BUD13: variants seen among roughly 807,000 people sequenced by gnomAD.
BUD13 encodes the protein BUD13 homolog.
BUD13 carries 47 observed loss-of-function variants against 62.5 expected under a neutral mutation model. The ratio of observed to expected loss-of-function variants is 0.75; its 90% confidence interval spans 0.60 to 0.96. BUD13 has a LOEUF of 0.96. BUD13 is among the 40% of genes least tolerant of loss of function. The pLI is 0.00. For missense variants in BUD13, 821 were observed against 790.9 expected (o/e 1.04, Z -0.46); for synonymous variants, 293 against 280.1 (o/e 1.05, Z -0.46).
At chr11:116,772,523 A>G (rs1430680571) in intron 1 of BUD13, among the ~76,000 whole-genome samples, 1 of 152,224 alleles carries the variant, frequency 6.6e-6, no homozygotes, top group African/African-American at 2.4e-5. Flanking sequence ...TTCTCGAGGC[A>G]CAATATTCAT....
chr11:116,758,013 T>G lies in BUD13; in HGVS notation c.1500-63A>C. The stretch of plus-strand genomic sequence containing the variant: ...ATGACATTTCCACTTCTACACGAGA[T>G]GGACCATACTGCTAAGTTTGGACAA... On this transcript the variant is annotated intron_variant, in intron 7 of 9. Transcript: ENST00000260210. 5 of 1,577,840 alleles carry G rather than the reference T, an allele frequency of 3.2e-6. No individual in the cohort carries two copies. The South Asian group carries it at 5.8e-5, about 18-fold the overall frequency.
intron 9 of BUD13, among the ~76,000 whole-genome samples, chr11:116,751,912 T>C (rs917839787): frequency 6.6e-6 from 1 of 152,164 alleles, no homozygotes; most frequent in African/African-American, 2.4e-5. Context: ...GGAAATTGCA[T>C]GACTCTAGGC....
intron 9 of BUD13, among the ~76,000 whole-genome samples, chr11:116,749,729 G>C (rs1435680138): frequency 6.6e-6 from 1 of 152,154 alleles, no homozygotes; most frequent in Non-Finnish European, 1.5e-5. Context: ...AGAAACGATG[G>C]GTTTAAAGCA....
intron 9 of BUD13, among the ~76,000 whole-genome samples, chr11:116,749,311 G>T (rs962760746): frequency 5.6e-4 from 86 of 152,232 alleles, no homozygotes; most frequent in African/African-American, 2.0e-3. Context: ...TAGTGGAAGA[G>T]AGAGACATTT....
At chr11:116,762,071 A>G (rs7941518) in intron 4 of BUD13, among the ~76,000 whole-genome samples, 27,579 of 152,242 alleles carry the variant, frequency 0.18, 2,771 homozygotes, top group Non-Finnish European at 0.22. Flanking sequence ...TAAATTTGTA[A>G]TTAAACACTA....
At chr11:116,768,876 G>A (rs141753008) in intron 2 of BUD13, among the ~76,000 whole-genome samples, 151 of 151,880 alleles carry the variant, frequency 9.9e-4, no homozygotes, top group African/African-American at 2.8e-3. Context: ...TTAGCCGGGC[G>A]TGTTGGTGGG....
intron 3 of BUD13, among the ~76,000 whole-genome samples, chr11:116,764,219 C>T (rs1490907811): frequency 5.3e-5 from 8 of 152,198 alleles, no homozygotes; most frequent in Admixed American, 4.6e-4. Context: ...TCTTCCTCTA[C>T]CTCTATTTCT....
At chr11:116,771,198 C>A (rs912427360) in intron 1 of BUD13, among the ~76,000 whole-genome samples, 1 of 152,178 alleles carries the variant, frequency 6.6e-6, no homozygotes, top group Non-Finnish European at 1.5e-5. Context: ...AGACTAAGAA[C>A]CCTTGTTAAA....
rs749542207 is a variant in BUD13 at position 116,760,820 on chromosome 11, A to G, written c.1169T>C (p.Leu390Pro). ...RPRHRSSDSD[L>P]SPPRRRQRTK... ...CCTCTGTCTCCTCCTTGGTGGAGAG[A>G]GGTCAGAATCAGAGCTCCGGTGTCT... The change falls in exon 5 of 10, where the codon CTC becomes CCC. Residue 390 changes from leucine to proline, a missense_variant. Physicochemically the swap from Leu to Pro is moderately conservative, Grantham distance 98. Transcript: ENST00000260210. 10 of 1,614,116 alleles carry G rather than the reference A, an allele frequency of 6.2e-6. No homozygotes were observed. In the South Asian group the frequency reaches 9.9e-5, roughly 16 times the overall value.
chr11:116,748,382 G>A lies in BUD13; in HGVS notation c.*100C>T, dbSNP rs1407227669. 2 of 1,056,806 alleles carry A rather than the reference G, an allele frequency of 1.9e-6. No homozygotes were observed. The highest frequency in any genetic ancestry group is 2.9e-6 in the Non-Finnish European group (2 of 690,794). 65.5% of individuals were successfully genotyped at this position (1,056,806 alleles called of 1,614,324 possible). On this transcript the variant is annotated 3_prime_UTR_variant, in exon 10 of 10. Coordinates refer to ENST00000260210, the MANE Select transcript of BUD13 (RefSeq NM_032725.4). ...CTGGCATTCAACAAGTTGCTGGTCTGTGTGGGCTCCAATTATTAGCACAGA... is the reference window on the plus strand; with the variant it reads ...CTGGCATTCAACAAGTTGCTGGTCTATGTGGGCTCCAATTATTAGCACAGA...
At chr11:116,750,947 C>T (rs2134170273) in intron 9 of BUD13, among the ~76,000 whole-genome samples, 1 of 152,284 alleles carries the variant, frequency 6.6e-6, no homozygotes, top group East Asian at 1.9e-4. Flanking sequence ...GTCTCATAGC[C>T]TTATGACTCT....
Position 116,758,057 on chromosome 11 carries a change from C to A in BUD13, c.1500-107G>T, listed in dbSNP as rs1240572872. Reference sequence around the variant, plus strand: ...TGGACAATCTCCTCTTTCTAGTACCCTAGGGCAAATACTGAGCAGGGTAAA... The same window carrying A: ...TGGACAATCTCCTCTTTCTAGTACCATAGGGCAAATACTGAGCAGGGTAAA... On this transcript the variant is annotated intron_variant, in intron 7 of 9. Coordinates refer to ENST00000260210, the MANE Select transcript of BUD13 (RefSeq NM_032725.4). 3 of 1,471,536 alleles carry A rather than the reference C, an allele frequency of 2.0e-6. No individual in the cohort carries two copies. In the South Asian group the frequency reaches 3.9e-5, roughly 19 times the overall value. The allele number at this position is 1,471,536 out of a possible 1,614,324, so 91.2% of individuals were successfully genotyped here. A position where few individuals can be genotyped will look rare whatever the true frequency, so the allele number is the denominator to read the frequency against.
intron 9 of BUD13, among the ~76,000 whole-genome samples, chr11:116,752,130 T>C (rs1207312527): frequency 6.6e-6 from 1 of 152,110 alleles, no homozygotes; most frequent in Admixed American, 6.5e-5. Context: ...TTTTTTTTAG[T>C]AGAGACGAGG....
At chr11:116,766,965 A>T (rs1591301910) in intron 2 of BUD13, among the ~76,000 whole-genome samples, 1 of 151,760 alleles carries the variant, frequency 6.6e-6, no homozygotes, top group Admixed American at 6.6e-5. Context: ...AGGCGGGTGG[A>T]TTGCTTGAGC....
intron 5 of BUD13, among the ~76,000 whole-genome samples, chr11:116,760,198 TG>T (rs1304455217): frequency 5.9e-5 from 9 of 152,372 alleles, no homozygotes; most frequent in Admixed American, 1.3e-4. Context: ...TAACACTAGA[TG>T]CTTACTTTGT....
chr11:116,767,884 G>A (rs1488257841), intron 2 of BUD13, among the ~76,000 whole-genome samples: 1 of 151,360 alleles, frequency 6.6e-6, no homozygotes, highest in African/African-American at 2.4e-5. Flanking sequence ...AAGGTAGGAG[G>A]ATTGCTTGCA....
intron 6 of BUD13, among the ~76,000 whole-genome samples, chr11:116,758,664 T>C (rs1940375995): frequency 6.8e-6 from 1 of 146,974 alleles, no homozygotes; most frequent in Admixed American, 7.0e-5. Context: ...CTTGGCTCAC[T>C]GCAACCTCCA....
intron 5 of BUD13, 142 bp downstream of exon 5, chr11:116,760,593 A>G (rs1340442765): frequency 2.3e-6 from 2 of 884,136 alleles, no homozygotes; most frequent in Non-Finnish European, 3.5e-6. Flanking sequence ...AGAAGGAAAG[A>G]CCTCCAAAGG....
intron 2 of BUD13, among the ~76,000 whole-genome samples, chr11:116,766,200 G>C (rs1417409815): frequency 6.6e-6 from 1 of 152,216 alleles, no homozygotes; most frequent in East Asian, 1.9e-4. Context: ...AAACTTTCAA[G>C]ATTGCTGGCA....
Sources: allele counts gnomAD v4.1 joint callset (sites outside exome capture counted in the v4.1 genomes callset), GRCh38; gene constraint gnomAD v4.1.1; transcripts MANE v1.5; gene names NCBI Gene and HGNC (gene_info 2026-07-23, HGNC 2026-07-21).